SGCZ: variants seen among roughly 807,000 people sequenced by gnomAD.
SGCZ encodes the protein zeta-sarcoglycan.
SGCZ carries 40 observed loss-of-function variants against 41.3 expected under a neutral mutation model. The observed-to-expected ratio is 0.97, with a 90% CI of 0.75 to 1.26. The LOEUF (loss-of-function observed/expected upper bound fraction) is 1.26. Among genes scored for constraint, SGCZ ranks in the 50% most tolerant of loss-of-function variants. SGCZ has a pLI of 0.00. For missense variants in SGCZ, 552 were observed against 369.8 expected (o/e 1.49, Z -4.04); for synonymous variants, 206 against 137.5 (o/e 1.50, Z -3.49).
At chr8:14,563,129 G>C (rs2117211419) in intron 1 of SGCZ, among the ~76,000 whole-genome samples, 1 of 152,290 alleles carries the variant, frequency 6.6e-6, no homozygotes, top group South Asian at 2.1e-4. Context: ...AAGTGGTACT[G>C]AGTGTCGCCT....
chr8:14,766,073 C>T (rs189105835), intron 1 of SGCZ, among the ~76,000 whole-genome samples: 3 of 151,442 alleles, frequency 2.0e-5, no homozygotes, highest in Non-Finnish European at 4.4e-5. Context: ...AGCAATTCTC[C>T]TGCCTCAGCC....
chr8:14,220,333 A>C (rs1806148782), intron 4 of SGCZ, among the ~76,000 whole-genome samples: 1 of 152,198 alleles, frequency 6.6e-6, no homozygotes, highest in Non-Finnish European at 1.5e-5. Flanking sequence ...ACGAGAAAAA[A>C]AGTCAGATGC....
intron 1 of SGCZ, among the ~76,000 whole-genome samples, chr8:14,991,338 G>A (rs1585445010): frequency 6.6e-6 from 1 of 152,116 alleles, no homozygotes; most frequent in Non-Finnish European, 1.5e-5. Flanking sequence ...GGAGTTTGTT[G>A]AAATGCAAAG....
intron 3 of SGCZ, among the ~76,000 whole-genome samples, chr8:14,272,908 T>C (rs1311652682): frequency 6.6e-6 from 1 of 152,118 alleles, no homozygotes; most frequent in African/African-American, 2.4e-5. Context: ...GGGTTAACTC[T>C]TAGATGGAGA....
At chr8:14,160,218 A>G (rs1324664019) in intron 5 of SGCZ, among the ~76,000 whole-genome samples, 1 of 152,198 alleles carries the variant, frequency 6.6e-6, no homozygotes, top group South Asian at 2.1e-4. Flanking sequence ...CTTTTAATTT[A>G]CCATGAAACA....
At chr8:14,861,678 A>G (rs972427843) in intron 1 of SGCZ, among the ~76,000 whole-genome samples, 1 of 152,028 alleles carries the variant, frequency 6.6e-6, no homozygotes, top group Non-Finnish European at 1.5e-5. Context: ...CTTTAATAGC[A>G]ATTTTCTCCT....
At chr8:15,002,589 G>C (rs1000525645) in intron 1 of SGCZ, among the ~76,000 whole-genome samples, 3 of 152,074 alleles carry the variant, frequency 2.0e-5, no homozygotes, top group Admixed American at 2.0e-4. Context: ...TGAGAAATAA[G>C]ACTGACTCCA....
At position 14,632,938 on chromosome 8, in the gene SGCZ, A is replaced by C. The variant is rs191244890; in HGVS notation, c.40-78012T>G. 1.3e-3 allele frequency among the ~76,000 whole-genome samples: 197 copies of C among 152,080 alleles called. 1 individual carries two copies. Among genetic ancestry groups the C allele is most frequent in the Non-Finnish European group, 2.4e-3 (164 of 67,926 alleles). Reference sequence around the variant, plus strand: ...CTATGTAAGCAAACAGTGATTCAATAATAAATATGAAAACTTTTTGCTTGT... The same window carrying C: ...CTATGTAAGCAAACAGTGATTCAATCATAAATATGAAAACTTTTTGCTTGT... On this transcript the variant is annotated intron_variant, in intron 1 of 7. Transcript: ENST00000382080.
intron 2 of SGCZ, among the ~76,000 whole-genome samples, chr8:14,456,012 G>C (rs1043407552): frequency 1.3e-5 from 2 of 152,156 alleles, no homozygotes; most frequent in African/African-American, 4.8e-5. Context: ...CTGTTAAATG[G>C]CTACAAGGCC....
intron 2 of SGCZ, among the ~76,000 whole-genome samples, chr8:14,346,949 G>C (rs1197427287): frequency 1.3e-5 from 2 of 151,672 alleles, no homozygotes; most frequent in African/African-American, 4.8e-5. Context: ...TAACATATTT[G>C]TAAATAAGTC....
At position 14,784,913 on chromosome 8, in the gene SGCZ, A is replaced by AAAAAAAAAAAAT. The variant is rs1408574493; in HGVS notation, c.40-229988_40-229987insATTTTTTTTTTT. 2.2e-3 allele frequency among the ~76,000 whole-genome samples: 196 copies of AAAAAAAAAAAAT among 87,966 alleles called. 1 individual carries two copies. The highest frequency in any genetic ancestry group is 3.3e-3 in the Non-Finnish European group (158 of 47,380). The allele number at this position is 87,966 out of a possible 152,430, so 57.7% of individuals were successfully genotyped here. On this transcript the variant is annotated intron_variant, in intron 1 of 7. Transcript: ENST00000382080. ...GTGAAACTCTGCCTCAAAAAAAAAA[A>AAAAAAAAAAAAT]ATATATATATATATATATATAAAAT... is the stretch of plus-strand genomic sequence containing the variant.
At chr8:14,423,058 T>G (rs573901438) in intron 2 of SGCZ, among the ~76,000 whole-genome samples, 2 of 152,118 alleles carry the variant, frequency 1.3e-5, no homozygotes, top group African/African-American at 4.8e-5. Context: ...ACCACTAACT[T>G]TCACCATTTG....
At chr8:14,428,932 T>A (rs1799866470) in intron 2 of SGCZ, among the ~76,000 whole-genome samples, 1 of 152,230 alleles carries the variant, frequency 6.6e-6, no homozygotes, top group African/African-American at 2.4e-5. Context: ...TGTGAATTAG[T>A]ATAGAAATAT....
chr8:14,509,552 T>C (rs970383303), intron 2 of SGCZ, among the ~76,000 whole-genome samples: 2 of 152,148 alleles, frequency 1.3e-5, no homozygotes, highest in African/African-American at 4.8e-5. Context: ...CTGTTAGAGG[T>C]AAGCTAATAG....
intron 1 of SGCZ, among the ~76,000 whole-genome samples, chr8:15,049,882 T>A (rs1257221942): frequency 6.6e-6 from 1 of 152,162 alleles, no homozygotes; most frequent in African/African-American, 2.4e-5. Flanking sequence ...TGCCACCATA[T>A]AAGAGGTGAC....
chr8:14,616,292 A>G (rs1185420370), intron 1 of SGCZ, among the ~76,000 whole-genome samples: 1 of 151,704 alleles, frequency 6.6e-6, no homozygotes, highest in African/African-American at 2.4e-5. Context: ...CAAAAAAAAA[A>G]AAGAAAAAAA....
At chr8:14,606,528 C>T (rs1183515295) in intron 1 of SGCZ, among the ~76,000 whole-genome samples, 1 of 152,176 alleles carries the variant, frequency 6.6e-6, no homozygotes. Flanking sequence ...ACCTAAATGG[C>T]AGGAATCATA....
chr8:14,562,126 C>A (rs947635307), intron 1 of SGCZ, among the ~76,000 whole-genome samples: 3 of 152,120 alleles, frequency 2.0e-5, no homozygotes, highest in South Asian at 2.1e-4. Flanking sequence ...CCATTTTTTA[C>A]CTTAGTCCCT....
chr8:14,398,072 A>G (rs1435492072), intron 2 of SGCZ, among the ~76,000 whole-genome samples: 2 of 152,068 alleles, frequency 1.3e-5, no homozygotes, highest in African/African-American at 4.8e-5. Flanking sequence ...CATCAACTCA[A>G]GGGACCCTTT....
Sources: allele counts gnomAD v4.1 joint callset (sites outside exome capture counted in the v4.1 genomes callset), GRCh38; gene constraint gnomAD v4.1.1; transcripts MANE v1.5; gene names NCBI Gene and HGNC (gene_info 2026-07-23, HGNC 2026-07-21).